Variants in ABCA3 observed in about 807,000 individuals in gnomAD.
ABCA3 encodes the protein ATP binding cassette subfamily A member 3.
ABCA3 carries 88 observed loss-of-function variants against 172.8 expected under a neutral mutation model. That is an observed-to-expected ratio of 0.51 (90% CI 0.43 to 0.61). The LOEUF (loss-of-function observed/expected upper bound fraction) is 0.61. Among genes scored for constraint, ABCA3 ranks in the 20% least tolerant of loss-of-function variants. The pLI, the probability that ABCA3 is intolerant of heterozygous loss-of-function variation, is 0.00. For synonymous variants in ABCA3, 1,066 were observed against 983.8 expected (o/e 1.08, Z -1.56); for missense variants, 2,164 against 2,301.0 (o/e 0.94, Z 1.22).
Position 2,285,107 on chromosome 16 carries a change from C to G in ABCA3, c.3484-109G>C, listed in dbSNP as rs1292424111. The G allele has an allele frequency of 2.4e-6, 3 of 1,265,670 alleles. No individual in the cohort carries two copies. Among genetic ancestry groups the G allele is most frequent in the Non-Finnish European group, 3.3e-6 (3 of 900,724 alleles). 78.4% of individuals were successfully genotyped at this position (1,265,670 alleles called of 1,614,324 possible). A position where few individuals can be genotyped will look rare whatever the true frequency, so the allele number is the denominator to read the frequency against. On this transcript the variant is annotated intron_variant, in intron 23 of 32. Coordinates refer to ENST00000301732, the MANE Select transcript of ABCA3 (RefSeq NM_001089.3). This position sits in a 1 kb window ranked among gnomAD's most constrained non-coding sequence, Gnocchi z 4.7. ...AGGTCCTCAGACCCCTCCCGGTCAGCTGGCCCATGTCCATCAGCCCCACAG... is the reference window on the plus strand; with the variant it reads ...AGGTCCTCAGACCCCTCCCGGTCAGGTGGCCCATGTCCATCAGCCCCACAG...
chr16:2,319,980 A>G (rs181223781), intron 7 of ABCA3, 140 bp from the exon 8 acceptor site: 505 of 1,065,242 alleles, frequency 4.7e-4, no homozygotes, highest in Admixed American at 1.6e-3. Flanking sequence ...GTGGCCGCTC[A>G]GTGGTCCCAC....
intron 19 of ABCA3, among the ~76,000 whole-genome samples, chr16:2,290,449 C>G (rs2093670293): frequency 6.6e-6 from 1 of 152,158 alleles, no homozygotes; most frequent in Non-Finnish European, 1.5e-5. Flanking sequence ...GGAGCTGAGT[C>G]ACAGGTGGGC....
In ABCA3 at chr16:2,277,574, T is replaced by G. The variant is rs756147696; in HGVS notation, c.4983+23A>C. 1.1e-5 allele frequency: 17 copies of G among 1,612,444 alleles called. No homozygotes were observed. The South Asian group carries it at 1.9e-4, about 18-fold the overall frequency. On this transcript the variant is annotated intron_variant, in intron 32 of 32. Coordinates refer to ENST00000301732, the MANE Select transcript of ABCA3 (RefSeq NM_001089.3). This position sits in a 1 kb window ranked among gnomAD's most constrained non-coding sequence, Gnocchi z 5.3. ...CTCCCCCTGCCCCATGAGTGCCCAG[T>G]GGGGCCCCAGGGACTGCCTCACCTT... is the stretch of plus-strand genomic sequence containing the variant.
Position 2,281,166 on chromosome 16 carries a change from T to C in ABCA3, c.4220A>G (p.Gln1407Arg). The C allele has an allele frequency of 6.2e-7, 1 of 1,613,760 alleles. No individual in the cohort carries two copies. Among genetic ancestry groups the C allele is most frequent in the Non-Finnish European group, 8.5e-7 (1 of 1,180,018 alleles). The change falls in exon 28 of 33, where the codon CAG becomes CGG. Residue 1407 changes from glutamine (Q) to arginine (R), a missense_variant. By Grantham distance (43) the Gln-to-Arg change is conservative. Around this residue, in one of 3 missense-constraint regions of ABCA3, gnomAD observed 795 missense variants for 881.9 expected, o/e 0.90. Transcript: ENST00000301732. This position sits in a 1 kb window ranked among gnomAD's most constrained non-coding sequence, Gnocchi z 4.7. Reference protein sequence around the residue: ...LAVDRLSLAVQKGECFGLLGF... With the variant: ...LAVDRLSLAVRKGECFGLLGF... ...CAGCAGGCCGAAGCACTCCCCTTTC[T>C]GCACCGCGAGGGAGAGCCTGTCCAC...
intron 1 of ABCA3, among the ~76,000 whole-genome samples, chr16:2,335,722 G>A (rs934288941): frequency 1.3e-5 from 2 of 152,188 alleles, no homozygotes; most frequent in African/African-American, 2.4e-5. Context: ...CATCCTAGGC[G>A]TGTTGGAGTT....
intron 11 of ABCA3, among the ~76,000 whole-genome samples, chr16:2,307,754 T>C (rs1248805209): frequency 2.0e-5 from 3 of 152,056 alleles, no homozygotes; most frequent in African/African-American, 4.8e-5. Context: ...TACAGGCGCC[T>C]GCCACCACGC....
In ABCA3 at chr16:2,288,051, C is replaced by A. The variant is rs774051736; in HGVS notation, c.2979G>T (p.Glu993Asp). Reference protein sequence around the residue: ...SEHLKDALQAEGQEPREVLGD... With the variant: ...SEHLKDALQADGQEPREVLGD... ...CGAGCACCTCGCGGGGCTCCTGTCCCTCAGCCTGCAGTGCGTCTTTCAGAT... is the reference window on the plus strand; with the variant it reads ...CGAGCACCTCGCGGGGCTCCTGTCCATCAGCCTGCAGTGCGTCTTTCAGAT... The change falls in exon 21 of 33, where the codon GAG (glutamate) becomes GAT (aspartate). Residue 993 changes from glutamate (E) to aspartate (D), a missense_variant. Around this residue, in one of 3 missense-constraint regions of ABCA3, gnomAD observed 1,343 missense variants for 1,369.6 expected, o/e 0.98. Coordinates refer to ENST00000301732, the MANE Select transcript of ABCA3 (RefSeq NM_001089.3). The A allele has an allele frequency of 1.3e-5, 21 of 1,610,730 alleles. No individual in the cohort carries two copies. The highest frequency in any genetic ancestry group is 1.7e-4 in the Middle Eastern group (1 of 6,026).
intron 3 of ABCA3, among the ~76,000 whole-genome samples, chr16:2,327,588 C>T (rs1014568180): frequency 1.3e-5 from 2 of 152,188 alleles, no homozygotes; most frequent in Non-Finnish European, 2.9e-5. Flanking sequence ...CGGAGCAGGC[C>T]CGGGTAGGCA....
chr16:2,326,578 T>C, intron 3 of ABCA3, 86 bp from the exon 4 acceptor site: 2 of 1,372,450 alleles, frequency 1.5e-6, no homozygotes, highest in Non-Finnish European at 2.0e-6. Flanking sequence ...GGACCCTTTT[T>C]CCTCCATGTC....
rs1323345560 is a variant in ABCA3, at chr16:2,324,540, A to G, written c.320-9T>C. On this transcript the variant is annotated splice_polypyrimidine_tract_variant and intron_variant, in intron 5 of 32. Transcript: ENST00000301732. ...GGAGGGAAAGCCGCGCACTGCAAAG[A>G]GAGAGCACGGGAGCTGTGGTTGCCC... 1 of 1,608,470 alleles carries G rather than the reference A, an allele frequency of 6.2e-7. No homozygotes were observed. Among genetic ancestry groups the G allele is most frequent in the South Asian group, 1.1e-5 (1 of 91,054 alleles).
Position 2,278,115 on chromosome 16 carries a change from C to T in ABCA3, c.4719-46G>A. 6.2e-7 allele frequency: 1 copy of T among 1,611,090 alleles called. No individual in the cohort carries two copies. Among genetic ancestry groups the T allele is most frequent in the Non-Finnish European group, 8.5e-7 (1 of 1,179,202 alleles). On this transcript the variant is annotated intron_variant, in intron 30 of 32. Coordinates refer to ENST00000301732, the MANE Select transcript of ABCA3 (RefSeq NM_001089.3). This position sits in a 1 kb window ranked among gnomAD's most constrained non-coding sequence, Gnocchi z 4.4. ...CAGATAGGGCTTGGGGTGCCAAAGG[C>T]TTGTGCAGACAGGAAGGCATTGGCT...
rs891579143 is a variant in ABCA3 at position 2,285,584 on chromosome 16, G to A, written c.3341C>T (p.Thr1114Met). ...LLFAMAFLAS[T>M]FSILAVSERA... ...CTCGCTGACCGCCAGGATGGAGAAC[G>A]TGCTGGCCAAGAATGCCATGGCGAA... Residue 1114 changes from threonine to methionine, a missense_variant, in exon 23 of 33, where the codon ACG becomes ATG. Physicochemically the swap from Thr to Met is moderately conservative, Grantham distance 81. Around this residue, in one of 3 missense-constraint regions of ABCA3, gnomAD observed 795 missense variants for 881.9 expected, o/e 0.90. Coordinates refer to ENST00000301732, the MANE Select transcript of ABCA3 (RefSeq NM_001089.3). This position sits in a 1 kb window ranked among gnomAD's most constrained non-coding sequence, Gnocchi z 4.7. 23 of 1,565,940 alleles carry A rather than the reference G, an allele frequency of 1.5e-5. No homozygotes were observed. The highest frequency in any genetic ancestry group is 3.8e-5 in the Admixed American group (2 of 52,596).
At chr16:2,308,401 C>A (rs762524392) in intron 11 of ABCA3, 49 bp downstream of exon 11, 1 of 1,611,444 alleles carries the variant, frequency 6.2e-7, no homozygotes, top group Non-Finnish European at 8.5e-7. Flanking sequence ...TGGGTGCTCT[C>A]GAAGGTTACT....
chr16:2,314,534 G>C (rs1230392231), intron 10 of ABCA3, among the ~76,000 whole-genome samples: 1 of 152,036 alleles, frequency 6.6e-6, no homozygotes. Flanking sequence ...GTGGACATGG[G>C]GGTGGGTGCA....
At chr16:2,299,862 A>C in intron 13 of ABCA3, 143 bp downstream of exon 13, 1 of 1,211,646 alleles carries the variant, frequency 8.3e-7, no homozygotes, top group South Asian at 1.3e-5. Context: ...AGGGCAGCGG[A>C]GGGTTCCTGC....
chr16:2,304,226 C>A, intron 11 of ABCA3, 76 bp from the exon 12 acceptor site: 1 of 1,511,644 alleles, frequency 6.6e-7, no homozygotes, highest in South Asian at 1.1e-5. Flanking sequence ...CCTGATGGCA[C>A]ACGTGTGCAC....
At chr16:2,332,412 C>A (rs960599167) in intron 1 of ABCA3, 4 of 1,196,692 alleles carry the variant, frequency 3.3e-6, no homozygotes, top group Non-Finnish European at 4.9e-6. Context: ...TCCGGTCATA[C>A]AGGATGAGGA....
At chr16:2,315,463 G>A (rs186708832) in intron 10 of ABCA3, among the ~76,000 whole-genome samples, 2 of 152,210 alleles carry the variant, frequency 1.3e-5, no homozygotes, top group Admixed American at 1.3e-4. Context: ...ATACTATACA[G>A]GAGTGAGGGC....
chr16:2,332,730 T>C (rs539449848), intron 1 of ABCA3: 71 of 1,194,532 alleles, frequency 5.9e-5, no homozygotes, highest in South Asian at 4.9e-4. Flanking sequence ...CCCGCACCGA[T>C]TGCCTCCTCC....
Sources: allele counts gnomAD v4.1 joint callset (sites outside exome capture counted in the v4.1 genomes callset), GRCh38; gene constraint gnomAD v4.1.1; regional missense constraint gnomAD v4.1.1; non-coding constraint Gnocchi (gnomAD v3.1); transcripts MANE v1.5; gene names NCBI Gene and HGNC (gene_info 2026-07-23, HGNC 2026-07-21).